The following EPC2 variants were observed in gnomAD, a reference collection of about 807,000 sequenced individuals.
The protein encoded by EPC2 is enhancer of polycomb homolog 2.
Under a neutral mutation model 92.1 loss-of-function variants are expected in EPC2, and 14 were observed. The ratio of observed to expected loss-of-function variants is 0.15; its 90% CI spans 0.10 to 0.24. The LOEUF is 0.24. EPC2 is among the 10% of genes least tolerant of loss of function. EPC2 has a pLI of 1.00. For missense variants in EPC2, 755 were observed against 971.5 expected (o/e 0.78, Z 2.96); for synonymous variants, 340 against 334.7 (o/e 1.02, Z -0.17).
intron 1 of EPC2, among the ~76,000 whole-genome samples, chr2:148,662,852 A>G (rs138384589): frequency 3.9e-5 from 6 of 152,050 alleles, no homozygotes; most frequent in Non-Finnish European, 8.8e-5. Context: ...CTTTAGTTTT[A>G]TTATTTGCTT....
intron 2 of EPC2, among the ~76,000 whole-genome samples, chr2:148,706,513 A>C (rs55851055): frequency 3.9e-5 from 6 of 152,060 alleles, no homozygotes; most frequent in Admixed American, 1.3e-4. Context: ...AAAGATACTC[A>C]TCGAGAAGAG....
At chr2:148,660,182 G>A (rs1680903433) in intron 1 of EPC2, among the ~76,000 whole-genome samples, 1 of 152,054 alleles carries the variant, frequency 6.6e-6, no homozygotes, top group Non-Finnish European at 1.5e-5. Context: ...ATGTGAATAG[G>A]TCTATGTGTG....
chr2:148,701,537 G>A lies in EPC2; in HGVS notation c.313+11164G>A, dbSNP rs182011369. ...CTCATGTGATTTTTCTTCTTTAGTC[G>A]ATGAAGTGGATTAAATTAATTGATT... On this transcript the variant is annotated intron_variant, in intron 2 of 13. Coordinates refer to ENST00000258484, the MANE Select transcript of EPC2 (RefSeq NM_015630.4). Among the ~76,000 whole-genome samples the A allele has an allele frequency of 7.0e-3, 1,072 of 152,154 alleles. 4 individuals are homozygous for A. The highest frequency in any genetic ancestry group is 0.02 in the South Asian group (96 of 4,818).
chr2:148,697,896 A>G (rs557014183), intron 2 of EPC2, among the ~76,000 whole-genome samples: 81 of 152,346 alleles, frequency 5.3e-4, no homozygotes, highest in African/African-American at 1.9e-3. Context: ...AGAGAGGCCC[A>G]AATTGGGAAA....
intron 2 of EPC2, among the ~76,000 whole-genome samples, chr2:148,713,899 T>C (rs1682205507): frequency 6.6e-6 from 1 of 152,196 alleles, no homozygotes; most frequent in African/African-American, 2.4e-5. Flanking sequence ...TCAGAATGTT[T>C]CTTTTTTATT....
intron 10 of EPC2, among the ~76,000 whole-genome samples, chr2:148,775,708 A>AAATAAAATTAAATATCT (rs1683624705): frequency 3.9e-5 from 1 of 25,862 alleles, no homozygotes; most frequent in African/African-American, 2.3e-4. Context: ...AAATATCTTT[A>AAATAAAATTAAATATCT]TTAAATAAAA....
At chr2:148,680,067 T>A (rs1284886549) in intron 1 of EPC2, among the ~76,000 whole-genome samples, 1 of 151,438 alleles carries the variant, frequency 6.6e-6, no homozygotes, top group Non-Finnish European at 1.5e-5. Context: ...TGCCTGGCAC[T>A]GGAAGCCCTT....
At chr2:148,732,827 T>C (rs925241161) in intron 2 of EPC2, among the ~76,000 whole-genome samples, 10 of 152,132 alleles carry the variant, frequency 6.6e-5, no homozygotes, top group African/African-American at 2.2e-4. Context: ...TTGTATGCAA[T>C]TTTGCATATA....
At chr2:148,727,810 A>C (rs1212819960) in intron 2 of EPC2, among the ~76,000 whole-genome samples, 1 of 152,218 alleles carries the variant, frequency 6.6e-6, no homozygotes, top group African/African-American at 2.4e-5. Context: ...ACAAAATAAC[A>C]TGATCTTGTT....
chr2:148,749,222 A>G (rs535521673), intron 3 of EPC2, among the ~76,000 whole-genome samples: 18 of 152,230 alleles, frequency 1.2e-4, no homozygotes, highest in Non-Finnish European at 2.2e-4. Context: ...TATAGTCCTC[A>G]TGCCGGTGGT....
rs144868417 is a variant in EPC2, at chr2:148,739,833, CTTTTTTTTTT to C, written c.314-3773_314-3764del. Among the ~76,000 whole-genome samples, 13 of 81,310 alleles carry C rather than the reference CTTTTTTTTTT, an allele frequency of 1.6e-4. No individual in the cohort carries two copies. In the South Asian group the frequency reaches 2.1e-3, roughly 13 times the overall value. The allele number at this position is 81,310 out of a possible 152,430, so 53.3% of individuals were successfully genotyped here. ...TTCTTCCTTTTCTTTTCTTCTTCTT[CTTTTTTTTTT>C]TTTTTTTTTTTTTTTGGTTTACTGC... is the stretch of plus-strand genomic sequence containing the variant. On this transcript the variant is annotated intron_variant, in intron 2 of 13. Coordinates refer to ENST00000258484, the MANE Select transcript of EPC2 (RefSeq NM_015630.4).
chr2:148,660,552 G>T (rs1196149524), intron 1 of EPC2, among the ~76,000 whole-genome samples: 1 of 151,614 alleles, frequency 6.6e-6, no homozygotes, highest in African/African-American at 2.4e-5. Context: ...CATATTGAGG[G>T]AAATTGACAT....
chr2:148,720,661 G>A (rs1487948891), intron 2 of EPC2, among the ~76,000 whole-genome samples: 1 of 152,168 alleles, frequency 6.6e-6, no homozygotes, highest in East Asian at 1.9e-4. Flanking sequence ...TCCCCGGGTT[G>A]CAAAGATCCA....
At chr2:148,701,264 T>C (rs1242360206) in intron 2 of EPC2, among the ~76,000 whole-genome samples, 2 of 152,212 alleles carry the variant, frequency 1.3e-5, no homozygotes, top group Admixed American at 6.5e-5. Context: ...CCTTTTCTTG[T>C]CTTATTGCAT....
At chr2:148,733,479 ATTTTTTTTTTTTTTTTTTTTT>A (rs34219179) in intron 2 of EPC2, among the ~76,000 whole-genome samples, 568 of 26,706 alleles carry the variant, frequency 0.021, 19 homozygotes, top group African/African-American at 0.071. Context: ...CTCTCTCTGG[ATTTTTTTTTTTTTTTTTTTTT>A]TTTTTTTTTT....
intron 7 of EPC2, among the ~76,000 whole-genome samples, chr2:148,767,011 C>T (rs1683422628): frequency 6.6e-6 from 1 of 151,924 alleles, no homozygotes; most frequent in African/African-American, 2.4e-5. Context: ...TGGTGAAACC[C>T]CATCTTTACC....
chr2:148,653,207 C>T (rs1218634146), intron 1 of EPC2, among the ~76,000 whole-genome samples: 2 of 152,204 alleles, frequency 1.3e-5, no homozygotes, highest in African/African-American at 4.8e-5. Context: ...GTAATACAGG[C>T]ACTTAGCATG....
At chr2:148,691,770 C>A in intron 2 of EPC2, 1 of 769,778 alleles carries the variant, frequency 1.3e-6, no homozygotes, top group Non-Finnish European at 2.3e-6. Flanking sequence ...CTTCTCCTTT[C>A]TACCTAAGGG....
intron 2 of EPC2, among the ~76,000 whole-genome samples, chr2:148,706,180 A>G (rs1681995498): frequency 1.3e-5 from 2 of 152,220 alleles, no homozygotes; most frequent in Non-Finnish European, 2.9e-5. Flanking sequence ...GCTGAAAACC[A>G]TGGCACGAGA....
Sources: allele counts gnomAD v4.1 joint callset (sites outside exome capture counted in the v4.1 genomes callset), GRCh38; gene constraint gnomAD v4.1.1; transcripts MANE v1.5; gene names NCBI Gene and HGNC (gene_info 2026-07-23, HGNC 2026-07-21).